MARCHF8: variants seen among roughly 807,000 people sequenced by gnomAD.
The protein encoded by MARCHF8 is membrane associated ring-CH-type finger 8, also known as E3 ubiquitin-protein ligase MARCHF8.
Under a neutral mutation model 51.6 loss-of-function variants are expected in MARCHF8, and 40 were observed. That is an observed-to-expected ratio of 0.77 (90% CI 0.60 to 1.01). The LOEUF is 1.01. Among genes scored for constraint, MARCHF8 ranks in the 50% least tolerant of loss-of-function variants. MARCHF8 has a pLI of 0.00. For synonymous variants in MARCHF8, 263 were observed against 280.3 expected (o/e 0.94, Z 0.62); for missense variants, 685 against 708.6 (o/e 0.97, Z 0.38).
At chr10:45,560,734 A>T (rs1313339769) in intron 1 of MARCHF8, among the ~76,000 whole-genome samples, 3 of 152,218 alleles carry the variant, frequency 2.0e-5, no homozygotes, top group African/African-American at 7.2e-5. Flanking sequence ...TCGTGGGAAG[A>T]GTGTAGCAGA....
At chr10:45,503,672 T>C (rs987412264) in intron 2 of MARCHF8, among the ~76,000 whole-genome samples, 1 of 152,064 alleles carries the variant, frequency 6.6e-6, no homozygotes, top group Non-Finnish European at 1.5e-5. Context: ...TGGGAAAATA[T>C]ATACCAAGCA....
chr10:45,504,788 G>T (rs778777239), intron 2 of MARCHF8, among the ~76,000 whole-genome samples: 16 of 152,114 alleles, frequency 1.1e-4, no homozygotes, highest in Non-Finnish European at 2.1e-4. Context: ...TCATGTTCGC[G>T]TATCTGGCAT....
At chr10:45,589,336 T>C (rs2133444413) in intron 1 of MARCHF8, among the ~76,000 whole-genome samples, 1 of 152,282 alleles carries the variant, frequency 6.6e-6, no homozygotes, top group South Asian at 2.1e-4. Context: ...GTCACATGGC[T>C]ATAAGCAAGT....
intron 1 of MARCHF8, among the ~76,000 whole-genome samples, chr10:45,555,769 AAG>A (rs2044245961): frequency 6.6e-6 from 1 of 152,020 alleles, no homozygotes; most frequent in African/African-American, 2.4e-5. Context: ...GAAAAAGAAA[AAG>A]AAAAGAGTAT....
At chr10:45,462,840 G>T (rs1030657196) in intron 5 of MARCHF8, among the ~76,000 whole-genome samples, 2 of 151,962 alleles carry the variant, frequency 1.3e-5, no homozygotes, top group African/African-American at 4.8e-5. Context: ...TGGCCAAGCT[G>T]GTCTCAAACT....
chr10:45,475,197 C>G (rs2042764653), intron 3 of MARCHF8, among the ~76,000 whole-genome samples: 1 of 152,208 alleles, frequency 6.6e-6, no homozygotes, highest in Non-Finnish European at 1.5e-5. Context: ...AGCAGTGAAG[C>G]CACTGCACGT....
At position 45,555,660 on chromosome 10, in the gene MARCHF8, C is replaced by T. The variant is rs1439576794; in HGVS notation, c.-78-22371G>A. Reference sequence around the variant, plus strand: ...TTGGGAGGCTGAGGCAGGAGGATCGCTTGAGCCCAGGAGGTTGAGGCTGCA... The same window carrying T: ...TTGGGAGGCTGAGGCAGGAGGATCGTTTGAGCCCAGGAGGTTGAGGCTGCA... On this transcript the variant is annotated intron_variant, in intron 1 of 6. Transcript: ENST00000319836. Among the ~76,000 whole-genome samples the T allele has an allele frequency of 3.3e-5, 5 of 150,820 alleles. No homozygotes were observed. The East Asian group carries it at 9.8e-4, about 29-fold the overall frequency.
intron 1 of MARCHF8, among the ~76,000 whole-genome samples, chr10:45,572,941 C>T (rs1043407129): frequency 3.9e-5 from 6 of 152,120 alleles, no homozygotes; most frequent in Admixed American, 1.3e-4. Flanking sequence ...CCCCTCCTCA[C>T]ACCTGGTCCA....
At chr10:45,528,160 G>A (rs1241477570) in intron 2 of MARCHF8, among the ~76,000 whole-genome samples, 1 of 152,106 alleles carries the variant, frequency 6.6e-6, no homozygotes, top group Non-Finnish European at 1.5e-5. Flanking sequence ...ATGGGGAAAG[G>A]TTGAAAGCAT....
intron 2 of MARCHF8, among the ~76,000 whole-genome samples, chr10:45,506,955 T>C (rs1252644592): frequency 6.6e-6 from 1 of 152,252 alleles, no homozygotes; most frequent in African/African-American, 2.4e-5. Flanking sequence ...TGTCTTTGGC[T>C]CTTTTAATCA....
intron 2 of MARCHF8, among the ~76,000 whole-genome samples, chr10:45,498,070 C>G (rs1299271561): frequency 1.3e-5 from 2 of 152,184 alleles, no homozygotes; most frequent in Non-Finnish European, 2.9e-5. Flanking sequence ...AATGCTTACT[C>G]CCTAAATTTT....
intron 3 of MARCHF8, among the ~76,000 whole-genome samples, chr10:45,466,032 C>G (rs1842957271): frequency 6.6e-6 from 1 of 152,186 alleles, no homozygotes; most frequent in Non-Finnish European, 1.5e-5. Context: ...TCTTCTAGGC[C>G]TGACTGCATA....
intron 1 of MARCHF8, among the ~76,000 whole-genome samples, chr10:45,581,102 CGTAA>C (rs936773995): frequency 2.0e-5 from 3 of 152,026 alleles, no homozygotes; most frequent in African/African-American, 4.8e-5. Flanking sequence ...GAGCGGTATT[CGTAA>C]GTCTGTGGTT....
chr10:45,550,399 G>A (rs78226806), intron 1 of MARCHF8, among the ~76,000 whole-genome samples: 2 of 152,174 alleles, frequency 1.3e-5, no homozygotes, highest in African/African-American at 4.8e-5. Context: ...TGTGGCCAAA[G>A]TTTGTAACAG....
chr10:45,460,787 C>G (rs1262608335), intron 6 of MARCHF8, among the ~76,000 whole-genome samples: 1 of 152,158 alleles, frequency 6.6e-6, no homozygotes, highest in Admixed American at 6.5e-5. Context: ...ACTCACACTC[C>G]CATCCAGCAA....
chr10:45,593,911 C>A (rs2044708273), intron 1 of MARCHF8, among the ~76,000 whole-genome samples: 1 of 152,210 alleles, frequency 6.6e-6, no homozygotes, highest in Non-Finnish European at 1.5e-5. Context: ...CAACTCCATA[C>A]AGAGCTCCTC....
intron 2 of MARCHF8, 120 bp downstream of exon 2, chr10:45,532,990 T>C: frequency 1.5e-6 from 1 of 651,206 alleles, no homozygotes; most frequent in East Asian, 3.3e-5. Context: ...CAACTATTTG[T>C]GTGCTTGTCA....
At chr10:45,499,622 A>G (rs1273497787) in intron 2 of MARCHF8, among the ~76,000 whole-genome samples, 2 of 152,210 alleles carry the variant, frequency 1.3e-5, no homozygotes, top group East Asian at 1.9e-4. Context: ...TAAGGGTCCA[A>G]TTGTATTCTT....
intron 1 of MARCHF8, among the ~76,000 whole-genome samples, chr10:45,571,526 T>C (rs2044429174): frequency 6.6e-6 from 1 of 152,156 alleles, no homozygotes; most frequent in South Asian, 2.1e-4. Flanking sequence ...GCTTTATTGC[T>C]CACACAAAGC....
Sources: gnomAD v4.1 joint callset for allele counts (sites outside exome capture counted in the v4.1 genomes callset) on GRCh38, gnomAD v4.1.1 for gene constraint, MANE v1.5 for transcripts, NCBI Gene and HGNC (gene_info 2026-07-23, HGNC 2026-07-21) for gene names.